IGF1R: variants seen among roughly 807,000 people sequenced by gnomAD.
IGF1R encodes the protein insulin-like growth factor 1 receptor.
In IGF1R, 44 loss-of-function variants were observed where a neutral mutation model predicts 144.6. That is an observed-to-expected ratio of 0.30 (90% CI 0.24 to 0.39). The LOEUF (loss-of-function observed/expected upper bound fraction) is 0.39. IGF1R is among the 10% of genes least tolerant of loss of function. The pLI is 1.00. For synonymous variants in IGF1R, 795 were observed against 722.8 expected (o/e 1.10, Z -1.60); for missense variants, 1,355 against 1,833.7 (o/e 0.74, Z 4.77).
chr15:98,948,409 T>G (rs908939688), intron 19 of IGF1R, among the ~76,000 whole-genome samples, 165 bp from the exon 20 acceptor site: 3 of 152,148 alleles, frequency 2.0e-5, no homozygotes, highest in South Asian at 2.1e-4. Flanking sequence ...AGAGGGAGGA[T>G]GATATCCCGC....
intron 1 of IGF1R, among the ~76,000 whole-genome samples, chr15:98,672,522 A>G (rs2052920400): frequency 6.7e-6 from 1 of 148,570 alleles, no homozygotes; most frequent in African/African-American, 2.5e-5. Context: ...GCGAGACAAG[A>G]TGGCGCCATT....
chr15:98,719,743 C>G (rs183249966), intron 2 of IGF1R, among the ~76,000 whole-genome samples: 2 of 152,298 alleles, frequency 1.3e-5, no homozygotes, highest in Non-Finnish European at 2.9e-5. Flanking sequence ...CAGACACAGG[C>G]TCCCTGAACT....
At chr15:98,849,017 A>G (rs1213388278) in intron 2 of IGF1R, among the ~76,000 whole-genome samples, 1 of 152,154 alleles carries the variant, frequency 6.6e-6, no homozygotes, top group African/African-American at 2.4e-5. Flanking sequence ...AAGTTTTTCA[A>G]TTTAATATAA....
rs931114691 is a variant in IGF1R at position 98,959,925 on chromosome 15, A to G, written c.*2483A>G. 5 of 232,884 alleles carry G rather than the reference A, an allele frequency of 2.1e-5. No homozygotes were observed. Among genetic ancestry groups the G allele is most frequent in the Admixed American group, 1.7e-4 (3 of 17,758 alleles). The allele number at this position is 232,884 out of a possible 1,614,324, so 14.4% of individuals were successfully genotyped here. ...ATTTTGTGATAAATTACCAGTTTCA[A>G]TCACTGTAGAAAAGCCCCATTATGA... On this transcript the variant is annotated 3_prime_UTR_variant, in exon 21 of 21. Transcript: ENST00000650285.
chr15:98,847,826 G>A (rs574328967), intron 2 of IGF1R, among the ~76,000 whole-genome samples: 15 of 152,332 alleles, frequency 9.8e-5, no homozygotes, highest in Non-Finnish European at 1.9e-4. Context: ...GATGTGAAAG[G>A]TTTACTGAGG....
intron 1 of IGF1R, among the ~76,000 whole-genome samples, chr15:98,652,025 TAAAGAC>T (rs1049179112): frequency 2.0e-5 from 3 of 152,166 alleles, no homozygotes; most frequent in African/African-American, 7.2e-5. Flanking sequence ...GGTGGAGAAA[TAAAGAC>T]AGGGTGTTGG....
chr15:98,726,275 C>T (rs1487419147), intron 2 of IGF1R, among the ~76,000 whole-genome samples: 1 of 152,178 alleles, frequency 6.6e-6, no homozygotes, highest in African/African-American at 2.4e-5. Flanking sequence ...TATGATTTTC[C>T]TGCCCATTAC....
intron 3 of IGF1R, 71 bp from the exon 4 acceptor site, chr15:98,896,686 T>C (rs1367733655): frequency 6.8e-7 from 1 of 1,462,314 alleles, no homozygotes; most frequent in Non-Finnish European, 9.5e-7. Flanking sequence ...AGCATATCCT[T>C]ATGGTTTTTT....
rs754564853 is a variant in IGF1R, at chr15:98,957,482, C to T, written c.*40C>T. 4.3e-5 allele frequency: 70 copies of T among 1,611,314 alleles called. No homozygotes were observed. The highest frequency in any genetic ancestry group is 5.9e-5 in the Non-Finnish European group (70 of 1,179,636). ...ATCTGTGCAAACAGTAACGTGTGCG[C>T]ACGCGCAGCGGGGTGGGGGGGGAGA... On this transcript the variant is annotated 3_prime_UTR_variant, in exon 21 of 21. Coordinates refer to ENST00000650285, the MANE Select transcript of IGF1R (RefSeq NM_000875.5).
At position 98,962,756 on chromosome 15, in the gene IGF1R, C is replaced by G; in HGVS notation, c.*5314C>G. On this transcript the variant is annotated 3_prime_UTR_variant, in exon 21 of 21. Transcript: ENST00000650285. ...TTGATTGTTCTTGAAGCTATCAGACCACATCGAGGCTCAGCAGTCATCCGT... is the reference window on the plus strand; with the variant it reads ...TTGATTGTTCTTGAAGCTATCAGACGACATCGAGGCTCAGCAGTCATCCGT... 4.3e-6 allele frequency: 1 copy of G among 233,498 alleles called. No homozygotes were observed. The highest frequency in any genetic ancestry group is 2.2e-5 in the African/African-American group (1 of 45,454). The allele number at this position is 233,498 out of a possible 1,614,324, so 14.5% of individuals were successfully genotyped here. A position where few individuals can be genotyped will look rare whatever the true frequency, so the allele number is the denominator to read the frequency against.
chr15:98,933,977 A>T (rs1331452630), intron 15 of IGF1R, among the ~76,000 whole-genome samples: 1 of 152,222 alleles, frequency 6.6e-6, no homozygotes, highest in Non-Finnish European at 1.5e-5. Context: ...TAGTAGCCGT[A>T]TTTTTTAAAA....
At position 98,958,108 on chromosome 15, in the gene IGF1R, G is replaced by A. The variant is rs55939798; in HGVS notation, c.*666G>A. On this transcript the variant is annotated 3_prime_UTR_variant, in exon 21 of 21. Transcript: ENST00000650285. The stretch of plus-strand genomic sequence containing the variant: ...GGAGGCATGGGTGAGCATGGCAGCT[G>A]GTTGCTCCATTTGAGAGACACGCTG... 1.3e-5 allele frequency: 3 copies of A among 233,848 alleles called. No homozygotes were observed. The highest frequency in any genetic ancestry group is 2.5e-5 in the Non-Finnish European group (3 of 118,298). The allele number at this position is 233,848 out of a possible 1,614,324, so 14.5% of individuals were successfully genotyped here.
intron 5 of IGF1R, among the ~76,000 whole-genome samples, chr15:98,902,244 C>G (rs922507971): frequency 2.0e-5 from 3 of 152,062 alleles, no homozygotes; most frequent in African/African-American, 7.2e-5. Context: ...CTAGGCACTT[C>G]AGCAGGCAGC....
intron 2 of IGF1R, among the ~76,000 whole-genome samples, chr15:98,788,056 CTCTCTCTGTG>C (rs1340641375): frequency 2.5e-4 from 27 of 106,448 alleles, no homozygotes; most frequent in African/African-American, 5.5e-4. Context: ...CTCTCTCTCT[CTCTCTCTGTG>C]TGTGTGTGTG....
chr15:98,880,280 T>C (rs2013303612), intron 2 of IGF1R, among the ~76,000 whole-genome samples: 1 of 152,236 alleles, frequency 6.6e-6, no homozygotes, highest in Non-Finnish European at 1.5e-5. Context: ...TCTCTCTCTT[T>C]ACCCTTACTA....
rs1281881014 is a variant in IGF1R at position 98,958,366 on chromosome 15, T to A, written c.*924T>A. On this transcript the variant is annotated 3_prime_UTR_variant, in exon 21 of 21. Coordinates refer to ENST00000650285, the MANE Select transcript of IGF1R (RefSeq NM_000875.5). ...CCCCGAAGCAGCCTGGCGGACAGGC[T>A]TGGAGTCAAGGGGCCCCATGCCTGC... The A allele has an allele frequency of 5.0e-6, 1 of 200,824 alleles. No individual in the cohort carries two copies. Among genetic ancestry groups the A allele is most frequent in the Non-Finnish European group, 9.9e-6 (1 of 101,178 alleles). 12.4% of individuals were successfully genotyped at this position (200,824 alleles called of 1,614,324 possible). A position where few individuals can be genotyped will look rare whatever the true frequency, so the allele number is the denominator to read the frequency against.
chr15:98,713,078 T>C (rs1057099262), intron 2 of IGF1R, among the ~76,000 whole-genome samples: 2 of 151,942 alleles, frequency 1.3e-5, no homozygotes, highest in African/African-American at 2.4e-5. Context: ...GCTGTGTCCT[T>C]GGCCCCAGTG....
chr15:98,942,287 T>C lies in IGF1R; in HGVS notation c.3458-636T>C, dbSNP rs45578135. Among the ~76,000 whole-genome samples, 594 of 152,274 alleles carry C rather than the reference T, an allele frequency of 3.9e-3. 29 individuals are homozygous for C. In the East Asian group the frequency reaches 0.094, roughly 24 times the overall value. On this transcript the variant is annotated intron_variant, in intron 18 of 20. Transcript: ENST00000650285. ...ATGACCAGTGGTCTCTGCAGTACTA[T>C]ATATTTTCTTAAATTGTGGGACTCT...
At chr15:98,945,972 A>G (rs2016533941) in intron 19 of IGF1R, among the ~76,000 whole-genome samples, 1 of 151,920 alleles carries the variant, frequency 6.6e-6, no homozygotes, top group South Asian at 2.1e-4. Context: ...GGGTGATGGT[A>G]AGGCTCTTGG....
Sources: allele counts gnomAD v4.1 joint callset (sites outside exome capture counted in the v4.1 genomes callset), GRCh38; gene constraint gnomAD v4.1.1; transcripts MANE v1.5; gene names NCBI Gene and HGNC (gene_info 2026-07-23, HGNC 2026-07-21).